GPC5: variants seen among roughly 807,000 people sequenced by gnomAD.
GPC5 encodes the protein glypican-5.
Under a neutral mutation model 53.9 loss-of-function variants are expected in GPC5, and 47 were observed. The observed-to-expected ratio is 0.87, with a 90% confidence interval of 0.69 to 1.11. The LOEUF is 1.11. GPC5 is among the 50% of genes most tolerant of loss of function. The pLI is 0.00. For missense variants in GPC5, 748 were observed against 713.1 expected (o/e 1.05, Z -0.56); for synonymous variants, 286 against 263.3 (o/e 1.09, Z -0.84).
intron 6 of GPC5, among the ~76,000 whole-genome samples, chr13:92,124,471 G>A (rs1343164020): frequency 6.6e-6 from 1 of 152,082 alleles, no homozygotes; most frequent in East Asian, 1.9e-4. Flanking sequence ...AAAAGTATAG[G>A]CAGGAACATT....
intron 7 of GPC5, among the ~76,000 whole-genome samples, chr13:92,517,739 G>A (rs1880852600): frequency 6.6e-6 from 1 of 152,122 alleles, no homozygotes; most frequent in East Asian, 1.9e-4. Context: ...AAAAAACAAA[G>A]CAGAAAAGCT....
intron 2 of GPC5, among the ~76,000 whole-genome samples, chr13:91,483,513 G>C (rs1388822324): frequency 6.6e-6 from 1 of 152,108 alleles, no homozygotes; most frequent in African/African-American, 2.4e-5. Flanking sequence ...TCCTCATTTT[G>C]TTCCTGGTAA....
intron 6 of GPC5, among the ~76,000 whole-genome samples, chr13:92,123,467 T>C (rs773838932): frequency 2.6e-5 from 4 of 152,222 alleles, no homozygotes; most frequent in Non-Finnish European, 5.9e-5. Context: ...TTTCTTCTCA[T>C]GTTTATTACA....
intron 7 of GPC5, among the ~76,000 whole-genome samples, chr13:92,782,894 G>T (rs1455544950): frequency 2.6e-5 from 4 of 152,064 alleles, no homozygotes; most frequent in African/African-American, 9.7e-5. Context: ...ACCCCATATA[G>T]CTATGGTTTC....
chr13:91,845,360 G>A (rs1380286595), intron 5 of GPC5, among the ~76,000 whole-genome samples: 1 of 151,764 alleles, frequency 6.6e-6, no homozygotes, highest in Non-Finnish European at 1.5e-5. Flanking sequence ...TGACAAAACT[G>A]TACATATTTA....
chr13:92,663,695 ATATAT>A (rs1165116077), intron 7 of GPC5, among the ~76,000 whole-genome samples: 1 of 142,000 alleles, frequency 7.0e-6, no homozygotes, highest in Non-Finnish European at 1.5e-5. Flanking sequence ...TATCTACTAT[ATATAT>A]TATATATCTA....
chr13:92,466,334 T>G (rs962278553), intron 7 of GPC5, among the ~76,000 whole-genome samples: 4 of 152,016 alleles, frequency 2.6e-5, no homozygotes, highest in Non-Finnish European at 4.4e-5. Flanking sequence ...AAGCATAGAA[T>G]GATAACAAAA....
chr13:91,661,245 T>G (rs2034980549), intron 2 of GPC5, among the ~76,000 whole-genome samples: 1 of 152,214 alleles, frequency 6.6e-6, no homozygotes, highest in African/African-American at 2.4e-5. Context: ...TGATGGCATG[T>G]GGACAACTTT....
intron 7 of GPC5, among the ~76,000 whole-genome samples, chr13:92,458,685 A>G (rs1443240703): frequency 6.6e-6 from 1 of 152,158 alleles, no homozygotes. Flanking sequence ...AAGAAAGAAG[A>G]CAAAGAATAG....
At position 92,573,468 on chromosome 13, in the gene GPC5, A is replaced by C. The variant is rs1411487311; in HGVS notation, c.1562-292814A>C. Among the ~76,000 whole-genome samples, 3 of 152,170 alleles carry C rather than the reference A, an allele frequency of 2.0e-5. No homozygotes were observed. The South Asian group carries it at 6.2e-4, about 32-fold the overall frequency. On this transcript the variant is annotated intron_variant, in intron 7 of 7. Transcript: ENST00000377067. Reference sequence around the variant, plus strand: ...ATTTTCAATTATACAATGTTTTTCCAATATGATTTCTTAGATTCTGTTATA... The same window carrying C: ...ATTTTCAATTATACAATGTTTTTCCCATATGATTTCTTAGATTCTGTTATA...
At chr13:92,860,157 T>C (rs1447830782) in intron 7 of GPC5, among the ~76,000 whole-genome samples, 2 of 152,202 alleles carry the variant, frequency 1.3e-5, no homozygotes, top group African/African-American at 4.8e-5. Flanking sequence ...ATTAACAATT[T>C]GGATAACTCC....
At chr13:92,772,791 A>G (rs569822754) in intron 7 of GPC5, among the ~76,000 whole-genome samples, 3 of 152,328 alleles carry the variant, frequency 2.0e-5, no homozygotes, top group South Asian at 4.1e-4. Context: ...GATAAATTCA[A>G]TTCAAAAATA....
Position 92,617,188 on chromosome 13 carries a change from G to T in GPC5, c.1562-249094G>T, listed in dbSNP as rs1342928640. 3.9e-5 allele frequency among the ~76,000 whole-genome samples: 6 copies of T among 152,098 alleles called. 1 individual carries two copies. The South Asian group carries it at 1.0e-3, about 26-fold the overall frequency. ...ATCTCTGAAGCAGCCTTAGAACCAA[G>T]TTACTCCTTCCTCAAAGATTCTATC... is the stretch of plus-strand genomic sequence containing the variant. On this transcript the variant is annotated intron_variant, in intron 7 of 7. Coordinates refer to ENST00000377067, the MANE Select transcript of GPC5 (RefSeq NM_004466.6).
intron 6 of GPC5, among the ~76,000 whole-genome samples, chr13:92,026,225 C>G (rs546036947): frequency 1.3e-5 from 2 of 151,908 alleles, no homozygotes; most frequent in Non-Finnish European, 2.9e-5. Context: ...ATATTTTATT[C>G]ATAACATATG....
intron 6 of GPC5, chr13:91,994,394 C>T (rs1594712211): frequency 1.3e-5 from 2 of 152,276 alleles, no homozygotes; most frequent in Admixed American, 6.5e-5. Context: ...GTTGGGCCAT[C>T]ATGGATTTTC....
chr13:92,332,859 C>T (rs906684726), intron 7 of GPC5, among the ~76,000 whole-genome samples: 2 of 152,130 alleles, frequency 1.3e-5, no homozygotes, highest in Non-Finnish European at 2.9e-5. Flanking sequence ...ATTAAAACTG[C>T]TGAGACTTCT....
chr13:92,810,717 G>T (rs1166170711), intron 7 of GPC5, among the ~76,000 whole-genome samples: 1 of 151,660 alleles, frequency 6.6e-6, no homozygotes, highest in Non-Finnish European at 1.5e-5. Flanking sequence ...TTGTCACCTA[G>T]AATTTTTATT....
At chr13:92,372,697 T>G (rs772206399) in intron 7 of GPC5, among the ~76,000 whole-genome samples, 5 of 150,018 alleles carry the variant, frequency 3.3e-5, no homozygotes, top group Non-Finnish European at 7.4e-5. Context: ...TTCTGTAGAG[T>G]ATCTTTTTTT....
At chr13:91,769,526 T>C (rs1594545457) in intron 5 of GPC5, among the ~76,000 whole-genome samples, 1 of 152,204 alleles carries the variant, frequency 6.6e-6, no homozygotes, top group Admixed American at 6.5e-5. Flanking sequence ...GGAAATCACA[T>C]TTAGGCTGAA....
Sources: allele counts gnomAD v4.1 joint callset (sites outside exome capture counted in the v4.1 genomes callset), GRCh38; gene constraint gnomAD v4.1.1; transcripts MANE v1.5; gene names NCBI Gene and HGNC (gene_info 2026-07-23, HGNC 2026-07-21).